SLC24A2: variants seen among roughly 807,000 people sequenced by gnomAD.
SLC24A2 encodes the protein sodium/potassium/calcium exchanger 2.
A neutral mutation model predicts 62.0 loss-of-function variants in SLC24A2; 36 were observed. That is an observed-to-expected ratio of 0.58 (90% confidence interval 0.44 to 0.77). SLC24A2 has a LOEUF of 0.77. Among genes scored for constraint, SLC24A2 ranks in the 30% least tolerant of loss-of-function variants. SLC24A2 has a pLI of 0.00. For synonymous variants in SLC24A2, 358 were observed against 294.0 expected, an observed-to-expected ratio of 1.22 and a Z score of -2.23; for missense variants, 846 against 817.9, an observed-to-expected ratio of 1.03 and a Z score of -0.42.
At chr9:20,045,841 C>A in the SLC24A2 span, among the ~76,000 whole-genome samples, 16 of 152,102 alleles carry the variant, frequency 1.1e-4, no homozygotes, top group Non-Finnish European at 1.5e-5. Flanking sequence ...CCTAATCATA[C>A]GGTGAGAAAA....
the SLC24A2 span, among the ~76,000 whole-genome samples, chr9:19,833,890 C>G: frequency 6.6e-6 from 1 of 152,214 alleles, no homozygotes; most frequent in Non-Finnish European, 1.5e-5. Context: ...TCCAGAGGAA[C>G]AATCAGGCAG....
the SLC24A2 span, among the ~76,000 whole-genome samples, chr9:20,075,731 A>C: frequency 1.2e-3 from 189 of 152,302 alleles, 2 homozygotes; most frequent in East Asian, 0.019. Flanking sequence ...TGCATCCCCA[A>C]ATATTCCCCT....
rs112474545 is a variant in SLC24A2, at chr9:19,607,466, C to A, written c.1079-10187G>T. ...GTGCAGTGGCTCACAGCTGTAATCC[C>A]AGCACATTGGGAGGAGGCCAAGGCA... On this transcript the variant is annotated intron_variant, in intron 4 of 10. Coordinates refer to ENST00000341998, the MANE Select transcript of SLC24A2 (RefSeq NM_020344.4). 3.7e-3 allele frequency among the ~76,000 whole-genome samples: 558 copies of A among 152,208 alleles called. 2 individuals are homozygous for A. The highest frequency in any genetic ancestry group is 0.012 in the African/African-American group (506 of 41,534).
At chr9:20,273,180 G>A in the SLC24A2 span, among the ~76,000 whole-genome samples, 1 of 152,166 alleles carries the variant, frequency 6.6e-6, no homozygotes, top group Non-Finnish European at 1.5e-5. Flanking sequence ...TGGCTTCCTG[G>A]AAATTGAGAA....
At chr9:19,717,836 A>G (rs1820902391) in intron 2 of SLC24A2, among the ~76,000 whole-genome samples, 1 of 152,190 alleles carries the variant, frequency 6.6e-6, no homozygotes, top group African/African-American at 2.4e-5. Context: ...AGGGTCATCA[A>G]ATAATTAGTT....
At chr9:19,760,400 G>C (rs1403939615) in intron 2 of SLC24A2, among the ~76,000 whole-genome samples, 1 of 151,938 alleles carries the variant, frequency 6.6e-6, no homozygotes, top group Non-Finnish European at 1.5e-5. Context: ...TAAATTCTGG[G>C]ATACATGTGC....
the SLC24A2 span, among the ~76,000 whole-genome samples, chr9:19,910,210 A>G: frequency 6.6e-6 from 1 of 152,088 alleles, no homozygotes; most frequent in African/African-American, 2.4e-5. Flanking sequence ...AATTAGTGCC[A>G]TCCTATCATC....
chr9:20,295,523 G>C, the SLC24A2 span, among the ~76,000 whole-genome samples: 1 of 152,296 alleles, frequency 6.6e-6, no homozygotes, highest in Non-Finnish European at 1.5e-5. Context: ...AGAGATTAGT[G>C]TGTGAGTGTG....
At chr9:19,973,041 T>TA in the SLC24A2 span, among the ~76,000 whole-genome samples, 1 of 152,130 alleles carries the variant, frequency 6.6e-6, no homozygotes, top group African/African-American at 2.4e-5. Flanking sequence ...AATAGGACTT[T>TA]AAAAACCAAA....
At chr9:20,061,265 T>G in the SLC24A2 span, among the ~76,000 whole-genome samples, 1 of 151,786 alleles carries the variant, frequency 6.6e-6, no homozygotes, top group South Asian at 2.1e-4. Flanking sequence ...TCTAGAAATA[T>G]GTCTTATGTT....
the SLC24A2 span, among the ~76,000 whole-genome samples, chr9:19,918,985 A>G: frequency 6.6e-6 from 1 of 152,254 alleles, no homozygotes; most frequent in Non-Finnish European, 1.5e-5. Context: ...TCTCTTCCCC[A>G]GGATCTGAAG....
At chr9:19,794,840 G>C in the SLC24A2 span, among the ~76,000 whole-genome samples, 3 of 151,912 alleles carry the variant, frequency 2.0e-5, no homozygotes, top group Non-Finnish European at 2.9e-5. Flanking sequence ...CAGCCCACTC[G>C]GAAAGCAAGC....
chr9:20,088,954 A>G, the SLC24A2 span, among the ~76,000 whole-genome samples: 1 of 152,132 alleles, frequency 6.6e-6, no homozygotes, highest in East Asian at 1.9e-4. Flanking sequence ...CTCCCACCAT[A>G]TTGCCACGCC....
the SLC24A2 span, among the ~76,000 whole-genome samples, chr9:20,050,806 G>A: frequency 6.6e-6 from 1 of 152,258 alleles, no homozygotes; most frequent in East Asian, 1.9e-4. Flanking sequence ...ATATAAAGCT[G>A]TAGCCTAATC....
At chr9:19,924,113 G>A in the SLC24A2 span, among the ~76,000 whole-genome samples, 1 of 152,220 alleles carries the variant, frequency 6.6e-6, no homozygotes, top group African/African-American at 2.4e-5. Flanking sequence ...TCATGCCTGT[G>A]AGGGAGCAGA....
the SLC24A2 span, among the ~76,000 whole-genome samples, chr9:19,964,652 A>G: frequency 2.6e-5 from 4 of 152,184 alleles, no homozygotes; most frequent in Admixed American, 2.0e-4. Flanking sequence ...CCTTTCTTCT[A>G]TGTTTCTAGG....
At chr9:19,886,103 G>C in the SLC24A2 span, among the ~76,000 whole-genome samples, 1 of 152,082 alleles carries the variant, frequency 6.6e-6, no homozygotes, top group East Asian at 1.9e-4. Context: ...TATTCCTTTT[G>C]GTATAGACCT....
the SLC24A2 span, among the ~76,000 whole-genome samples, chr9:19,849,675 G>C: frequency 3.3e-5 from 5 of 152,250 alleles, no homozygotes; most frequent in Non-Finnish European, 7.4e-5. Context: ...GCCTAGAAAT[G>C]CGTCTATTTT....
chr9:20,034,132 G>C, the SLC24A2 span, among the ~76,000 whole-genome samples: 253 of 152,210 alleles, frequency 1.7e-3, no homozygotes, highest in Non-Finnish European at 3.1e-3. Flanking sequence ...TGCCTCAAAA[G>C]CACTGTCAGC....
Sources: allele counts gnomAD v4.1 joint callset (sites outside exome capture counted in the v4.1 genomes callset), GRCh38; gene constraint gnomAD v4.1.1; transcripts MANE v1.5; gene names NCBI Gene and HGNC (gene_info 2026-07-23, HGNC 2026-07-21).